The following NR6A1 variants were observed in gnomAD, a reference collection of about 807,000 sequenced individuals.
The protein encoded by NR6A1 is nuclear receptor subfamily 6 group A member 1.
A neutral mutation model predicts 59.1 loss-of-function variants in NR6A1; 7 were observed. The observed-to-expected ratio is 0.12, with a 90% CI of 0.07 to 0.22. The LOEUF (loss-of-function observed/expected upper bound fraction) is 0.22, where lower values mean the gene tolerates loss of function less well. NR6A1 is among the 10% of genes least tolerant of loss of function. The pLI is 1.00. For missense variants in NR6A1, 468 were observed against 611.6 expected, an observed-to-expected ratio of 0.77 and a Z score of 2.48; for synonymous variants, 243 against 236.1, an observed-to-expected ratio of 1.03 and a Z score of -0.27.
At chr9:124,727,245 GA>G (rs1489743524) in intron 2 of NR6A1, among the ~76,000 whole-genome samples, 3 of 152,126 alleles carry the variant, frequency 2.0e-5, no homozygotes, top group African/African-American at 7.2e-5. Context: ...TAGCTTGTGG[GA>G]AAAAACCCAA....
intron 2 of NR6A1, among the ~76,000 whole-genome samples, chr9:124,596,311 G>A (rs1200002696): frequency 2.6e-5 from 4 of 151,924 alleles, no homozygotes; most frequent in Non-Finnish European, 2.9e-5. Context: ...TTTTCTGGGG[G>A]GTATGGGGGG....
At chr9:124,708,004 G>A (rs1039942999) in intron 2 of NR6A1, among the ~76,000 whole-genome samples, 2 of 152,090 alleles carry the variant, frequency 1.3e-5, no homozygotes, top group Non-Finnish European at 2.9e-5. Context: ...GTGGTAGTCT[G>A]GGCTCACACA....
At position 124,632,205 on chromosome 9, in the gene NR6A1, G is replaced by A. The variant is rs539661881; in HGVS notation, c.143-77635C>T. ...TGCCCAGTAATGGGATTTCTGGGTCGAATGGTGTTACTGTATCTAGGTCTT... is the reference window on the plus strand; with the variant it reads ...TGCCCAGTAATGGGATTTCTGGGTCAAATGGTGTTACTGTATCTAGGTCTT... On this transcript the variant is annotated intron_variant, in intron 2 of 9. Transcript: ENST00000487099. 8.5e-5 allele frequency among the ~76,000 whole-genome samples: 13 copies of A among 152,182 alleles called. No individual in the cohort carries two copies. In the South Asian group the frequency reaches 2.1e-3, roughly 24 times the overall value.
intron 2 of NR6A1, among the ~76,000 whole-genome samples, chr9:124,621,028 C>T (rs907710700): frequency 3.3e-5 from 5 of 152,090 alleles, no homozygotes; most frequent in African/African-American, 1.2e-4. Context: ...AAATAAAGCA[C>T]CCAGAGCCCA....
At chr9:124,670,582 A>G (rs1416686912) in intron 2 of NR6A1, among the ~76,000 whole-genome samples, 3 of 149,588 alleles carry the variant, frequency 2.0e-5, no homozygotes, top group African/African-American at 7.7e-5. Flanking sequence ...AGCTTCAGCA[A>G]AAGTCATGAT....
intron 2 of NR6A1, among the ~76,000 whole-genome samples, chr9:124,732,890 T>A (rs1047748212): frequency 6.6e-6 from 1 of 152,086 alleles, no homozygotes; most frequent in Admixed American, 6.6e-5. Context: ...AGAGACAGGG[T>A]TTCACTATGT....
rs180789060 is a variant in NR6A1 at position 124,606,370 on chromosome 9, G to C, written c.143-51800C>G. On this transcript the variant is annotated intron_variant, in intron 2 of 9. Transcript: ENST00000487099. Reference sequence around the variant, plus strand: ...GTCTGTGAATATTCCAAGAACAAGGGACCAGGGTTTGATTCATTTCTGTAT... The same window carrying C: ...GTCTGTGAATATTCCAAGAACAAGGCACCAGGGTTTGATTCATTTCTGTAT... Among the ~76,000 whole-genome samples the C allele has an allele frequency of 2.0e-5, 3 of 152,098 alleles. No homozygotes were observed. The East Asian group carries it at 5.8e-4, about 29-fold the overall frequency.
intron 2 of NR6A1, among the ~76,000 whole-genome samples, chr9:124,582,603 T>C (rs1035487101): frequency 6.6e-6 from 1 of 152,008 alleles, no homozygotes; most frequent in South Asian, 2.1e-4. Flanking sequence ...GAAATGGTTC[T>C]GGGCCAGGTG....
chr9:124,557,428 C>T lies in NR6A1; in HGVS notation c.143-2858G>A, dbSNP rs543192095. ...GATGACAGGAGTGGGCCACCGCGCCCGGCCAATCCTCCTTCTTTTCTTTCT... is the reference window on the plus strand; with the variant it reads ...GATGACAGGAGTGGGCCACCGCGCCTGGCCAATCCTCCTTCTTTTCTTTCT... On this transcript the variant is annotated intron_variant, in intron 2 of 9. Transcript: ENST00000487099. Among the ~76,000 whole-genome samples, 196 of 152,214 alleles carry T rather than the reference C, an allele frequency of 1.3e-3. 1 individual carries two copies. Among genetic ancestry groups the T allele is most frequent in the African/African-American group, 4.5e-3 (186 of 41,544 alleles).
At chr9:124,680,183 A>G (rs998368807) in intron 2 of NR6A1, among the ~76,000 whole-genome samples, 1 of 151,874 alleles carries the variant, frequency 6.6e-6, no homozygotes, top group Admixed American at 6.6e-5. Flanking sequence ...AAAAGGAGCT[A>G]TTTCTTACAA....
chr9:124,706,662 A>G (rs921914450), intron 2 of NR6A1, among the ~76,000 whole-genome samples: 1 of 151,948 alleles, frequency 6.6e-6, no homozygotes, highest in Non-Finnish European at 1.5e-5. Context: ...GGGATTACTG[A>G]CATGCGCCAC....
At chr9:124,638,300 G>A (rs964105801) in intron 2 of NR6A1, among the ~76,000 whole-genome samples, 6 of 151,132 alleles carry the variant, frequency 4.0e-5, no homozygotes, top group East Asian at 1.9e-4. Flanking sequence ...CTTTGAAATC[G>A]CTGGCATAGG....
chr9:124,762,058 T>A (rs918487821), intron 1 of NR6A1, among the ~76,000 whole-genome samples: 7 of 152,328 alleles, frequency 4.6e-5, no homozygotes, highest in Admixed American at 4.6e-4. Context: ...GTAAAAAAAG[T>A]ACTACTAATG....
At chr9:124,650,470 G>A (rs1333131001) in intron 2 of NR6A1, among the ~76,000 whole-genome samples, 1 of 152,054 alleles carries the variant, frequency 6.6e-6, no homozygotes, top group African/African-American at 2.4e-5. Context: ...AAGAGAGGTT[G>A]GTTAATAGGT....
At chr9:124,685,777 A>G (rs1838313357) in intron 2 of NR6A1, among the ~76,000 whole-genome samples, 1 of 152,232 alleles carries the variant, frequency 6.6e-6, no homozygotes, top group Non-Finnish European at 1.5e-5. Flanking sequence ...ATTCATGATT[A>G]GCATTCCCAC....
chr9:124,703,438 C>T (rs935784943), intron 2 of NR6A1, among the ~76,000 whole-genome samples: 1 of 151,338 alleles, frequency 6.6e-6, no homozygotes, highest in Non-Finnish European at 1.5e-5. Context: ...GAACTCCTGG[C>T]CTCATGCAAT....
At chr9:124,658,277 G>C (rs1221471339) in intron 2 of NR6A1, among the ~76,000 whole-genome samples, 3 of 152,054 alleles carry the variant, frequency 2.0e-5, no homozygotes, top group African/African-American at 7.2e-5. Flanking sequence ...TGAATGGTGA[G>C]GGCTTCACAT....
At chr9:124,529,829 A>T (rs777934850) in intron 7 of NR6A1, among the ~76,000 whole-genome samples, 1 of 152,028 alleles carries the variant, frequency 6.6e-6, no homozygotes, top group Admixed American at 6.6e-5. Context: ...TCCTCATCAT[A>T]GCACTGTGTT....
intron 2 of NR6A1, among the ~76,000 whole-genome samples, chr9:124,725,019 A>T (rs971773333): frequency 2.6e-5 from 4 of 152,210 alleles, no homozygotes; most frequent in African/African-American, 9.7e-5. Flanking sequence ...TGTTTTAAGC[A>T]ACAATGACTT....
Sources: gnomAD v4.1 joint callset for allele counts (sites outside exome capture counted in the v4.1 genomes callset) on GRCh38, gnomAD v4.1.1 for gene constraint, MANE v1.5 for transcripts, NCBI Gene and HGNC (gene_info 2026-07-23, HGNC 2026-07-21) for gene names.